The following DOCK1 variants were observed in gnomAD, a reference collection of about 807,000 sequenced individuals.
DOCK1 encodes dedicator of cytokinesis 1, also known as dedicator of cytokinesis protein 1.
DOCK1 carries 138 observed loss-of-function variants against 262.7 expected under a neutral mutation model. The observed-to-expected ratio is 0.53, with a 90% confidence interval of 0.46 to 0.61. DOCK1 has a LOEUF of 0.61. DOCK1 is among the 20% of genes least tolerant of loss of function. DOCK1 has a pLI of 0.00. For synonymous variants in DOCK1, 866 were observed against 867.4 expected (o/e 1.00, Z 0.03); for missense variants, 1,908 against 2,370.7 (o/e 0.80, Z 4.05).
intron 3 of DOCK1, among the ~76,000 whole-genome samples, 193 bp from the exon 4 acceptor site, chr10:126,981,725 C>T (rs1304711411): frequency 5.3e-5 from 8 of 152,140 alleles, no homozygotes; most frequent in Non-Finnish European, 4.4e-5. Context: ...TCTAAGACAT[C>T]GGCAGACTGC....
At chr10:127,121,340 A>G (rs747225891) in intron 25 of DOCK1, among the ~76,000 whole-genome samples, 1 of 152,050 alleles carries the variant, frequency 6.6e-6, no homozygotes, top group Non-Finnish European at 1.5e-5. Flanking sequence ...GTCCATGGGA[A>G]AAGTATTCAG....
At chr10:126,960,496 G>T (rs1042995177) in intron 1 of DOCK1, among the ~76,000 whole-genome samples, 1 of 151,144 alleles carries the variant, frequency 6.6e-6, no homozygotes, top group East Asian at 2.0e-4. Flanking sequence ...TGACTGTCGT[G>T]GGGGAGTGGC....
At chr10:127,162,890 C>T (rs2053710617) in intron 27 of DOCK1, among the ~76,000 whole-genome samples, 1 of 152,132 alleles carries the variant, frequency 6.6e-6, no homozygotes, top group East Asian at 1.9e-4. Flanking sequence ...CACTTAAAAT[C>T]CAGAAGACCT....
intron 1 of DOCK1, among the ~76,000 whole-genome samples, chr10:126,914,116 A>G (rs1175790451): frequency 2.0e-5 from 3 of 152,208 alleles, no homozygotes; most frequent in African/African-American, 4.8e-5. Flanking sequence ...GCCCTGCTGC[A>G]TGGGCCCCAT....
At chr10:127,151,713 G>A (rs567656101) in intron 27 of DOCK1, among the ~76,000 whole-genome samples, 1 of 152,160 alleles carries the variant, frequency 6.6e-6, no homozygotes, top group African/African-American at 2.4e-5. Flanking sequence ...TAACCAGAGC[G>A]ATCACAGTGC....
chr10:126,927,685 C>T (rs1450008812), intron 1 of DOCK1, among the ~76,000 whole-genome samples: 1 of 152,188 alleles, frequency 6.6e-6, no homozygotes, highest in African/African-American at 2.4e-5. Context: ...GATCCGCCCA[C>T]CTCGGCCTCC....
intron 29 of DOCK1, among the ~76,000 whole-genome samples, chr10:127,335,388 G>A (rs950486446): frequency 1.9e-4 from 29 of 152,152 alleles, no homozygotes; most frequent in Non-Finnish European, 1.5e-5. Context: ...ATTTCATTTG[G>A]CAAGGCATCC....
chr10:127,013,716 A>G (rs1364220230), intron 12 of DOCK1: 1 of 152,196 alleles, frequency 6.6e-6, no homozygotes, highest in Non-Finnish European at 1.5e-5. Flanking sequence ...TCACAGTGAA[A>G]ACTGAGGGAG....
chr10:127,107,056 C>G (rs2048572480), intron 24 of DOCK1, among the ~76,000 whole-genome samples: 1 of 152,144 alleles, frequency 6.6e-6, no homozygotes, highest in Non-Finnish European at 1.5e-5. Flanking sequence ...CTCCTGGCCT[C>G]AAGCACCCCT....
intron 38 of DOCK1, among the ~76,000 whole-genome samples, chr10:127,397,895 C>T (rs543042105): frequency 6.6e-6 from 1 of 152,244 alleles, no homozygotes; most frequent in African/African-American, 2.4e-5. Context: ...AGTGACTCCT[C>T]TATGACATGG....
intron 29 of DOCK1, among the ~76,000 whole-genome samples, chr10:127,300,498 G>A (rs929311676): frequency 4.6e-5 from 7 of 152,300 alleles, no homozygotes; most frequent in South Asian, 2.1e-4. Context: ...TCTAAGGTCC[G>A]TGGGGATCAC....
intron 18 of DOCK1, among the ~76,000 whole-genome samples, chr10:127,033,737 G>A (rs769630584): frequency 2.0e-4 from 31 of 152,180 alleles, no homozygotes; most frequent in Admixed American, 6.5e-4. Flanking sequence ...TAAAGCCATT[G>A]TCTGGAAGTC....
chr10:127,392,522 CCA>C (rs1246497307), intron 38 of DOCK1, among the ~76,000 whole-genome samples: 1 of 152,144 alleles, frequency 6.6e-6, no homozygotes, highest in Non-Finnish European at 1.5e-5. Flanking sequence ...CACCCCCTGC[CCA>C]CACACATACA....
At chr10:127,181,133 C>T (rs1179014263) in intron 27 of DOCK1, among the ~76,000 whole-genome samples, 3 of 151,978 alleles carry the variant, frequency 2.0e-5, no homozygotes, top group African/African-American at 4.8e-5. Flanking sequence ...TGAGGGAGCC[C>T]TGATAAAGAA....
At position 127,304,745 on chromosome 10, in the gene DOCK1, G is replaced by GGTGGTGCATGCCT. The variant is rs1312385722; in HGVS notation, c.3045-34255_3045-34243dup. The stretch of plus-strand genomic sequence containing the variant: ...ACAAAAAATAAAATTAGCTTGGTGT[G>GGTGGTGCATGCCT]GTGGTGCATGCCTGTGGTCCCAGCT... On this transcript the variant is annotated intron_variant, in intron 29 of 51. Transcript: ENST00000623213. 2.0e-5 allele frequency among the ~76,000 whole-genome samples: 3 copies of GGTGGTGCATGCCT among 152,018 alleles called. 1 individual carries two copies. The highest frequency in any genetic ancestry group is 2.0e-4 in the Admixed American group (3 of 15,274).
intron 23 of DOCK1, among the ~76,000 whole-genome samples, chr10:127,098,215 A>G (rs2048021413): frequency 1.3e-5 from 2 of 152,244 alleles, no homozygotes; most frequent in Admixed American, 1.3e-4. Context: ...TTACAAAAAT[A>G]ACAAAAGGCA....
intron 19 of DOCK1, among the ~76,000 whole-genome samples, chr10:127,039,408 C>T (rs1275959864): frequency 6.6e-6 from 1 of 152,176 alleles, no homozygotes; most frequent in Non-Finnish European, 1.5e-5. Context: ...ACCACAGTTA[C>T]CTGGAAGAAT....
Position 127,271,051 on chromosome 10 carries a change from A to G in DOCK1, c.3044+13622A>G, listed in dbSNP as rs150432676. Among the ~76,000 whole-genome samples, 486 of 151,696 alleles carry G rather than the reference A, an allele frequency of 3.2e-3. 2 individuals are homozygous for G. The highest frequency in any genetic ancestry group is 0.01 in the Middle Eastern group (3 of 290). On this transcript the variant is annotated intron_variant, in intron 29 of 51. Transcript: ENST00000623213. The stretch of plus-strand genomic sequence containing the variant: ...TACACACACACACATATATAAATGT[A>G]TCTGTGTTCTAGATAAGATCCTTGG...
At chr10:126,978,134 C>T (rs767175668) in intron 3 of DOCK1, 146 bp downstream of exon 3, 38 of 780,444 alleles carry the variant, frequency 4.9e-5, no homozygotes, top group South Asian at 3.8e-4. Flanking sequence ...GGAATGTGAA[C>T]GAGCTTGGAT....
Sources: gnomAD v4.1 joint callset for allele counts (sites outside exome capture counted in the v4.1 genomes callset) on GRCh38, gnomAD v4.1.1 for gene constraint, MANE v1.5 for transcripts, NCBI Gene and HGNC (gene_info 2026-07-23, HGNC 2026-07-21) for gene names.